AFAP1L2: variants seen among roughly 807,000 people sequenced by gnomAD.
AFAP1L2 encodes actin filament-associated protein 1-like 2.
Under a neutral mutation model 99.3 loss-of-function variants are expected in AFAP1L2, and 46 were observed. The ratio of observed to expected loss-of-function variants is 0.46; its 90% confidence interval spans 0.37 to 0.59. The LOEUF (loss-of-function observed/expected upper bound fraction) is 0.59. Among genes scored for constraint, AFAP1L2 ranks in the 20% least tolerant of loss-of-function variants. The probability of loss-of-function intolerance (pLI) is 0.00; values close to 1 mark genes in which losing one functional copy is unlikely to be tolerated. For synonymous variants in AFAP1L2, 397 were observed against 419.1 expected, an observed-to-expected ratio of 0.95 and a Z score of 0.64; for missense variants, 959 against 1,034.9, an observed-to-expected ratio of 0.93 and a Z score of 1.01.
chr10:114,283,597 C>A, the AFAP1L2 span, among the ~76,000 whole-genome samples: 1 of 152,212 alleles, frequency 6.6e-6, no homozygotes, highest in Non-Finnish European at 1.5e-5. Context: ...TTGCCTCTTA[C>A]CAATGATCTG....
chr10:114,294,836 G>T lies in AFAP1L2; in HGVS notation c.*1206C>A. On this transcript the variant is annotated 3_prime_UTR_variant, in exon 19 of 19. Transcript: ENST00000304129. The stretch of plus-strand genomic sequence containing the variant: ...AACTGAGGAAAACTTCAAATACAAT[G>T]AACATTTTATTTTAAAAAACCTAAC... 1 of 950,654 alleles carries T rather than the reference G, an allele frequency of 1.1e-6. No homozygotes were observed. The highest frequency in any genetic ancestry group is 1.2e-6 in the Non-Finnish European group (1 of 814,474). 58.9% of individuals were successfully genotyped at this position (950,654 alleles called of 1,614,324 possible). A position where few individuals can be genotyped will look rare whatever the true frequency, so the allele number is the denominator to read the frequency against.
intron 4 of AFAP1L2, 142 bp downstream of exon 4, chr10:114,331,661 C>T (rs2047252011): frequency 1.9e-6 from 1 of 515,960 alleles, no homozygotes; most frequent in African/African-American, 2.0e-5. Flanking sequence ...TTGCTCTGTC[C>T]CTACACGTGC....
chr10:114,366,025 T>C (rs896312410), intron 1 of AFAP1L2, among the ~76,000 whole-genome samples: 13 of 152,294 alleles, frequency 8.5e-5, no homozygotes, highest in Admixed American at 2.6e-4. Context: ...TATGAGCCAC[T>C]GCACCCAGCC....
chr10:114,345,753 G>T (rs1463917896), intron 1 of AFAP1L2, among the ~76,000 whole-genome samples: 1 of 152,226 alleles, frequency 6.6e-6, no homozygotes, highest in Non-Finnish European at 1.5e-5. Context: ...CATGGCCCCT[G>T]CCCATCAGTC....
Position 114,375,163 on chromosome 10 carries a change from C to T in AFAP1L2, c.16+29277G>A, listed in dbSNP as rs572264922. 4.6e-5 allele frequency among the ~76,000 whole-genome samples: 7 copies of T among 152,180 alleles called. No individual in the cohort carries two copies. In the East Asian group the frequency reaches 9.6e-4, roughly 21 times the overall value. On this transcript the variant is annotated intron_variant, in intron 1 of 18. Coordinates refer to ENST00000304129, the MANE Select transcript of AFAP1L2 (RefSeq NM_001001936.3). ...TCAAAAGAAGGATAATATTTCATGA[C>T]GCATGAAAATTATATGAAATTTCAA...
At position 114,398,752 on chromosome 10, in the gene AFAP1L2, A is replaced by G. The variant is rs867609803; in HGVS notation, c.16+5688T>C. The G allele has an allele frequency of 5.1e-5, 59 of 1,151,914 alleles. 2 individuals carry two copies. The Middle Eastern group carries it at 2.8e-3, about 55-fold the overall frequency. 71.4% of individuals were successfully genotyped at this position (1,151,914 alleles called of 1,614,324 possible). ...GTGCCCAGCTCCTTGATCTCCCTCA[A>G]CCATCCACCCAGAGCATGGGCAGAG... On this transcript the variant is annotated intron_variant, in intron 1 of 18. Coordinates refer to ENST00000304129, the MANE Select transcript of AFAP1L2 (RefSeq NM_001001936.3).
At chr10:114,396,602 A>G (rs2057743760) in intron 1 of AFAP1L2, among the ~76,000 whole-genome samples, 1 of 152,280 alleles carries the variant, frequency 6.6e-6, no homozygotes, top group African/African-American at 2.4e-5. Flanking sequence ...AAAGTCAACC[A>G]GGAAATAATT....
intron 1 of AFAP1L2, chr10:114,363,213 A>G: frequency 1.0e-6 from 1 of 979,164 alleles, no homozygotes; most frequent in Non-Finnish European, 1.2e-6. Flanking sequence ...TGTATGCTGG[A>G]CTTAGAAATT....
the AFAP1L2 span, among the ~76,000 whole-genome samples, chr10:114,287,890 T>C: frequency 6.6e-6 from 1 of 152,168 alleles, no homozygotes; most frequent in African/African-American, 2.4e-5. Flanking sequence ...TTTTACCTAA[T>C]GTCTTTTTTG....
chr10:114,352,307 T>C (rs1161198151), intron 1 of AFAP1L2, among the ~76,000 whole-genome samples: 1 of 151,732 alleles, frequency 6.6e-6, no homozygotes, highest in East Asian at 1.9e-4. Context: ...ACCCCGTCTC[T>C]ACTAAAAATA....
At chr10:114,305,841 C>G (rs1291105556) in intron 10 of AFAP1L2, among the ~76,000 whole-genome samples, 2 of 62,136 alleles carry the variant, frequency 3.2e-5, no homozygotes, top group African/African-American at 1.3e-4. Context: ...CAGGAGGGGA[C>G]GCGGGTGCAG....
intron 18 of AFAP1L2, chr10:114,296,512 A>G: frequency 4.5e-6 from 1 of 220,564 alleles, no homozygotes; most frequent in Non-Finnish European, 9.1e-6. Flanking sequence ...AAACCGCATC[A>G]TAGCATGGAT....
At chr10:114,371,345 G>GCT (rs2054065662) in intron 1 of AFAP1L2, among the ~76,000 whole-genome samples, 1 of 152,170 alleles carries the variant, frequency 6.6e-6, no homozygotes, top group Non-Finnish European at 1.5e-5. Flanking sequence ...AAGAAATTCA[G>GCT]CTCAGCTGGG....
chr10:114,381,102 T>C (rs2055554251), intron 1 of AFAP1L2, among the ~76,000 whole-genome samples: 1 of 152,222 alleles, frequency 6.6e-6, no homozygotes, highest in Non-Finnish European at 1.5e-5. Flanking sequence ...GCATTATTCA[T>C]AATAGCTAAA....
chr10:114,309,199 G>A (rs992818048), intron 8 of AFAP1L2, among the ~76,000 whole-genome samples: 2 of 152,250 alleles, frequency 1.3e-5, no homozygotes, highest in Non-Finnish European at 2.9e-5. Context: ...TCCAGGGCCA[G>A]CAGTCCCTGG....
At chr10:114,346,338 G>A (rs1357185152) in intron 1 of AFAP1L2, among the ~76,000 whole-genome samples, 3 of 152,174 alleles carry the variant, frequency 2.0e-5, no homozygotes, top group Non-Finnish European at 4.4e-5. Flanking sequence ...CTGGGTGTGT[G>A]TCTATCTCCA....
At chr10:114,340,800 C>T (rs751774044) in intron 1 of AFAP1L2, 69 bp from the exon 2 acceptor site, 19 of 1,606,230 alleles carry the variant, frequency 1.2e-5, no homozygotes, top group East Asian at 8.9e-5. Flanking sequence ...AGATACACCT[C>T]GGGACCCTGC....
chr10:114,311,675 C>A (rs1054272730), intron 7 of AFAP1L2, among the ~76,000 whole-genome samples: 2 of 152,208 alleles, frequency 1.3e-5, no homozygotes, highest in Non-Finnish European at 2.9e-5. Context: ...ACACGGATGG[C>A]CCTGCCCAGG....
intron 1 of AFAP1L2, among the ~76,000 whole-genome samples, chr10:114,358,011 T>C (rs1426490906): frequency 6.6e-6 from 1 of 152,136 alleles, no homozygotes; most frequent in Non-Finnish European, 1.5e-5. Flanking sequence ...GAGTTCAGCC[T>C]CCCCAGAACA....
Sources: allele counts gnomAD v4.1 joint callset (sites outside exome capture counted in the v4.1 genomes callset), GRCh38; gene constraint gnomAD v4.1.1; transcripts MANE v1.5; gene names NCBI Gene and HGNC (gene_info 2026-07-23, HGNC 2026-07-21).